Variants in ATAD3B observed in about 807,000 individuals in gnomAD.
The protein encoded by ATAD3B is ATPase family AAA domain containing 3B.
ATAD3B carries 59 observed loss-of-function variants against 70.2 expected under a neutral mutation model. That is an observed-to-expected ratio of 0.84 (90% CI 0.68 to 1.04). ATAD3B has a LOEUF of 1.04. ATAD3B is among the 50% of genes least tolerant of loss of function. ATAD3B has a pLI of 0.00. For missense variants in ATAD3B, 961 were observed against 913.4 expected, an observed-to-expected ratio of 1.05 and a Z score of -0.67; for synonymous variants, 423 against 388.6, an observed-to-expected ratio of 1.09 and a Z score of -1.04.
chr1:1,482,912 G>A, intron 7 of ATAD3B: 1 of 514,526 alleles, frequency 1.9e-6, no homozygotes, highest in Non-Finnish European at 3.7e-6. Context: ...GAGGTAGGAG[G>A]ATCACTTAAG....
Position 1,490,413 on chromosome 1 carries a change from A to G in ATAD3B, c.1494A>G (p.Thr498=). 4.3e-6 allele frequency: 7 copies of G among 1,613,406 alleles called. No individual in the cohort carries two copies. Among genetic ancestry groups the G allele is most frequent in the Non-Finnish European group, 5.9e-6 (7 of 1,179,686 alleles). Residue 498 remains threonine, a synonymous_variant, in exon 14 of 16, where the codon ACA becomes ACG. Coordinates refer to ENST00000673477, the MANE Select transcript of ATAD3B (RefSeq NM_031921.6). Reference sequence around the variant, plus strand: ...ACAACTGTGTTCTTAAGCCGGCCACAGAAGGAAAACGGTGAGTGTCCCGCC... The same window carrying G: ...ACAACTGTGTTCTTAAGCCGGCCACGGAAGGAAAACGGTGAGTGTCCCGCC... The part of the protein sequence containing the change: ...HFDNCVLKPA[T]EGKRRLKLAQ...
chr1:1,473,002 C>A (rs1019433880), intron 1 of ATAD3B, among the ~76,000 whole-genome samples: 2 of 146,422 alleles, frequency 1.4e-5, no homozygotes, highest in Non-Finnish European at 3.0e-5. Context: ...TTTTTTGTAT[C>A]TTTAGTAGAG....
rs955486692 is a variant in ATAD3B at position 1,471,793 on chromosome 1, C to A, written c.-92C>A. ...TCGCCTGCGCAGTGGTCCTGGCCAC[C>A]GGCTCGCGGCGCGTGGAGGCTGCTC... On this transcript the variant is annotated 5_prime_UTR_variant, in exon 1 of 16. Coordinates refer to ENST00000673477, the MANE Select transcript of ATAD3B (RefSeq NM_031921.6). 1 of 1,218,898 alleles carries A rather than the reference C, an allele frequency of 8.2e-7. No homozygotes were observed. The highest frequency in any genetic ancestry group is 1.0e-6 in the Non-Finnish European group (1 of 977,988). The allele number at this position is 1,218,898 out of a possible 1,614,324, so 75.5% of individuals were successfully genotyped here.
At position 1,485,795 on chromosome 1, in the gene ATAD3B, T is replaced by C; in HGVS notation, c.920T>C (p.Leu307Pro). The C allele has an allele frequency of 1.2e-6, 2 of 1,612,976 alleles. No individual in the cohort carries two copies. Among genetic ancestry groups the C allele is most frequent in the Non-Finnish European group, 1.7e-6 (2 of 1,179,402 alleles). The part of the protein sequence containing the change: ...LRHPIQVSRR[L>P]LSRPQDVLEG... ...CCCCTCCGGCAGGTCAGCCGGCGGC[T>C]CCTCAGTCGACCCCAGGACGTGCTG... The change falls in exon 9 of 16, where the codon CTC becomes CCC. Residue 307 changes from leucine to proline, a missense_variant. Transcript: ENST00000673477.
At position 1,497,497 on chromosome 1, in the gene ATAD3B, C is replaced by T. The variant is rs1003028140; in HGVS notation, c.*1680C>T. 6.7e-6 allele frequency: 1 copy of T among 150,020 alleles called. No homozygotes were observed. The highest frequency in any genetic ancestry group is 1.5e-5 in the Non-Finnish European group (1 of 67,718). 9.3% of individuals were successfully genotyped at this position (150,020 alleles called of 1,614,324 possible). ...CCTCCCGCCTCTACAGGATGAGCCA[C>T]CAAGCCTGGCCTCAATTCCTCTTTA... On this transcript the variant is annotated 3_prime_UTR_variant, in exon 16 of 16. Coordinates refer to ENST00000673477, the MANE Select transcript of ATAD3B (RefSeq NM_031921.6).
intron 1 of ATAD3B, 122 bp downstream of exon 1, chr1:1,472,211 C>G (rs1384541268): frequency 2.9e-6 from 4 of 1,401,108 alleles, no homozygotes; most frequent in Non-Finnish European, 3.8e-6. Context: ...GACTGCGCCC[C>G]CGGAGCACCC....
downstream of ATAD3B, among the ~76,000 whole-genome samples, chr1:1,502,009 G>A (rs1487664135): frequency 6.6e-6 from 1 of 151,876 alleles, no homozygotes; most frequent in Non-Finnish European, 1.5e-5. Flanking sequence ...CTCCCGTGTA[G>A]CTAGGATTAC....
chr1:1,491,952 A>C (rs1640561228), intron 15 of ATAD3B, among the ~76,000 whole-genome samples: 1 of 151,890 alleles, frequency 6.6e-6, no homozygotes, highest in African/African-American at 2.4e-5. Context: ...TGGGGAGGCC[A>C]AGTCAGTCAG....
chr1:1,489,320 G>A, intron 13 of ATAD3B, 46 bp downstream of exon 13: 1 of 1,611,990 alleles, frequency 6.2e-7, no homozygotes, highest in Non-Finnish European at 8.5e-7. Context: ...GGGCTGTGCA[G>A]CCGTCGCCCT....
rs749270452 is a variant in ATAD3B, at chr1:1,471,860, C to T, written c.-25C>T. 2.4e-6 allele frequency: 3 copies of T among 1,255,826 alleles called. No homozygotes were observed. Among genetic ancestry groups the T allele is most frequent in the South Asian group, 3.5e-5 (1 of 28,738 alleles). The allele number at this position is 1,255,826 out of a possible 1,614,324, so 77.8% of individuals were successfully genotyped here. A position where few individuals can be genotyped will look rare whatever the true frequency, so the allele number is the denominator to read the frequency against. On this transcript the variant is annotated 5_prime_UTR_variant, in exon 1 of 16. Coordinates refer to ENST00000673477, the MANE Select transcript of ATAD3B (RefSeq NM_031921.6). ...CAGACTCGGGTGGGGGTCCCGGCGG[C>T]GGTAGCGGCGGCGGCGGTGCGAGCA...
At chr1:1,483,137 A>T (rs1229693731) in intron 7 of ATAD3B, 1 of 399,648 alleles carries the variant, frequency 2.5e-6, no homozygotes, top group South Asian at 1.8e-5. Context: ...TAAAAAAAAG[A>T]AAAAAAAAGA....
rs759930254 is a variant in ATAD3B, at chr1:1,485,791, C to T, written c.916C>T (p.Arg306Trp). 2.9e-5 allele frequency: 47 copies of T among 1,612,886 alleles called. No homozygotes were observed. Among genetic ancestry groups the T allele is most frequent in the African/African-American group, 8.0e-5 (6 of 74,828 alleles). ...CCTTCCCCTCCGGCAGGTCAGCCGGCGGCTCCTCAGTCGACCCCAGGACGT... is the reference window on the plus strand; with the variant it reads ...CCTTCCCCTCCGGCAGGTCAGCCGGTGGCTCCTCAGTCGACCCCAGGACGT... ...ALRHPIQVSR[R>W]LLSRPQDVLE... Residue 306 changes from arginine to tryptophan, a missense_variant, in exon 9 of 16, where the codon CGG (arginine) becomes TGG (tryptophan). Around this residue, in one of 4 missense-constraint regions of ATAD3B, gnomAD observed 349 missense variants for 307.5 expected, o/e 1.14. Coordinates refer to ENST00000673477, the MANE Select transcript of ATAD3B (RefSeq NM_031921.6).
intron 1 of ATAD3B, 106 bp from the exon 2 acceptor site, chr1:1,477,168 C>T: frequency 6.9e-7 from 1 of 1,448,242 alleles, no homozygotes; most frequent in East Asian, 2.5e-5. Context: ...ACCACCGCTT[C>T]CCACTAGGTT....
At chr1:1,509,071 C>G in the ATAD3B span, 1 of 1,419,356 alleles carries the variant, frequency 7.0e-7, no homozygotes, top group South Asian at 1.4e-5. Flanking sequence ...TGCCGAGGTG[C>G]GGGAAGCCTG....
intron 1 of ATAD3B, 65 bp from the exon 2 acceptor site, chr1:1,477,209 C>A: frequency 1.3e-6 from 2 of 1,589,494 alleles, no homozygotes; most frequent in South Asian, 1.1e-5. Context: ...TGGGTTTCAC[C>A]ATGTTGGCCA....
At chr1:1,498,694 C>T (rs1009744839), downstream of ATAD3B, among the ~76,000 whole-genome samples, 1 of 151,512 alleles carries the variant, frequency 6.6e-6, no homozygotes, top group Non-Finnish European at 1.5e-5. Context: ...AGGCCTGAGG[C>T]ACCGCGCCCG....
chr1:1,480,900 G>A lies in ATAD3B; in HGVS notation c.478G>A (p.Glu160Lys), dbSNP rs1205201831. The change falls in exon 5 of 16, where the codon GAG becomes AAG. Residue 160 changes from glutamate to lysine, a missense_variant. Physicochemically the swap from Glu to Lys is moderately conservative, Grantham distance 56. Transcript: ENST00000673477. ...LLNEENLRKQ[E>K]ESVQKQEAMR... The stretch of plus-strand genomic sequence containing the variant: ...CAATGAGGAGAATTTACGGAAGCAG[G>A]AGGAGTCCGTGCAGAAGCAGGAAGC... 6.3e-7 allele frequency: 1 copy of A among 1,593,710 alleles called. No homozygotes were observed. The highest frequency in any genetic ancestry group is 1.1e-5 in the South Asian group (1 of 89,630).
rs1300695449 is a variant in ATAD3B at position 1,496,364 on chromosome 1, T to G, written c.*547T>G. 1.6e-6 allele frequency: 1 copy of G among 629,700 alleles called. No individual in the cohort carries two copies. The highest frequency in any genetic ancestry group is 1.4e-4 in the East Asian group (1 of 7,270). 39.0% of individuals were successfully genotyped at this position (629,700 alleles called of 1,614,324 possible). ...ACATCAGCCTCGCGCCACATCCGAG[T>G]TGGGGTCTGAATGCTGCCCGGGACT... On this transcript the variant is annotated 3_prime_UTR_variant, in exon 16 of 16. Coordinates refer to ENST00000673477, the MANE Select transcript of ATAD3B (RefSeq NM_031921.6).
the ATAD3B span, among the ~76,000 whole-genome samples, chr1:1,507,649 T>C: frequency 6.6e-6 from 1 of 152,178 alleles, no homozygotes; most frequent in Non-Finnish European, 1.5e-5. Context: ...TGGCCTGTCA[T>C]TTTTCTTGTG....
Sources: gnomAD v4.1 joint callset for allele counts (sites outside exome capture counted in the v4.1 genomes callset) on GRCh38, gnomAD v4.1.1 for gene constraint, gnomAD v4.1.1 regional missense constraint, MANE v1.5 for transcripts, NCBI Gene and HGNC (gene_info 2026-07-23, HGNC 2026-07-21) for gene names.